Variants in SORCS3 observed in about 807,000 individuals in gnomAD.
SORCS3 encodes sortilin related VPS10 domain containing receptor 3.
A neutral mutation model predicts 146.3 loss-of-function variants in SORCS3; 57 were observed. The observed-to-expected ratio is 0.39, with a 90% CI of 0.31 to 0.49. The LOEUF (loss-of-function observed/expected upper bound fraction) is 0.49. Among genes scored for constraint, SORCS3 ranks in the 20% least tolerant of loss-of-function variants. SORCS3 has a pLI of 0.92. For synonymous variants in SORCS3, 653 were observed against 618.5 expected (o/e 1.06, Z -0.83); for missense variants, 1,341 against 1,575.5 (o/e 0.85, Z 2.52).
intron 1 of SORCS3, among the ~76,000 whole-genome samples, chr10:104,706,677 C>T (rs1285942538): frequency 2.0e-5 from 3 of 152,176 alleles, no homozygotes; most frequent in Non-Finnish European, 2.9e-5. Flanking sequence ...AGTCCCACTT[C>T]CCTGTGGATA....
intron 4 of SORCS3, among the ~76,000 whole-genome samples, chr10:105,009,523 CA>C (rs2055118510): frequency 2.0e-5 from 1 of 49,002 alleles, no homozygotes; most frequent in Non-Finnish European, 4.4e-5. Flanking sequence ...AACAAACAAA[CA>C]AACAAAAAAA....
At chr10:104,994,258 G>C (rs1384893521) in intron 4 of SORCS3, among the ~76,000 whole-genome samples, 2 of 152,124 alleles carry the variant, frequency 1.3e-5, no homozygotes, top group African/African-American at 4.8e-5. Context: ...ATAGAAGCAT[G>C]GATGGTTAGA....
At chr10:105,093,758 G>A (rs564231152) in intron 6 of SORCS3, among the ~76,000 whole-genome samples, 13 of 152,182 alleles carry the variant, frequency 8.5e-5, no homozygotes, top group Non-Finnish European at 1.8e-4. Context: ...CAGAAGTAAA[G>A]CAATAGAACT....
chr10:104,868,442 G>T (rs371248383), intron 2 of SORCS3, among the ~76,000 whole-genome samples: 3 of 152,122 alleles, frequency 2.0e-5, no homozygotes, highest in Non-Finnish European at 4.4e-5. Flanking sequence ...GGGACTACTC[G>T]CCTGCCACGC....
chr10:105,041,138 C>T (rs1295656503), intron 4 of SORCS3, among the ~76,000 whole-genome samples: 3 of 147,400 alleles, frequency 2.0e-5, no homozygotes, highest in Non-Finnish European at 4.5e-5. Context: ...TCAGAGCTTG[C>T]AACAGTTGGT....
intron 2 of SORCS3, among the ~76,000 whole-genome samples, chr10:104,887,872 AG>A (rs911291499): frequency 3.5e-5 from 5 of 144,564 alleles, no homozygotes; most frequent in Non-Finnish European, 7.5e-5. Flanking sequence ...GATCTGCATG[AG>A]GTGTCTAAGT....
rs12781642 is a variant in SORCS3, at chr10:105,009,531, A to C, written c.954+32038A>C. On this transcript the variant is annotated intron_variant, in intron 4 of 26. Transcript: ENST00000369701. ...ACAAACAAACAAACAAACAAACAAA[A>C]AAAAAAAAAAAAAAAAAAAACCCCA... 3.8e-3 allele frequency among the ~76,000 whole-genome samples: 177 copies of C among 47,086 alleles called. 1 individual carries two copies. Among genetic ancestry groups the C allele is most frequent in the African/African-American group, 0.016 (166 of 10,082 alleles). 30.9% of individuals were successfully genotyped at this position (47,086 alleles called of 152,430 possible). A position where few individuals can be genotyped will look rare whatever the true frequency, so the allele number is the denominator to read the frequency against.
At chr10:104,931,620 C>A (rs890710727) in intron 3 of SORCS3, among the ~76,000 whole-genome samples, 1 of 152,148 alleles carries the variant, frequency 6.6e-6, no homozygotes, top group Non-Finnish European at 1.5e-5. Flanking sequence ...TGAGAAAAGA[C>A]TCCAAACAGA....
At position 105,103,209 on chromosome 10, in the gene SORCS3, C is replaced by T. The variant is rs749733543; in HGVS notation, c.1094-2188C>T. ...AATGTTTGCATTTGAGTGTAGTCTCCGCTGCTCCTCAGAGATCCCTGACAC... is the reference window on the plus strand; with the variant it reads ...AATGTTTGCATTTGAGTGTAGTCTCTGCTGCTCCTCAGAGATCCCTGACAC... On this transcript the variant is annotated intron_variant, in intron 6 of 26. Transcript: ENST00000369701. Among the ~76,000 whole-genome samples, 6 of 152,096 alleles carry T rather than the reference C, an allele frequency of 3.9e-5. No homozygotes were observed. The South Asian group carries it at 6.2e-4, about 16-fold the overall frequency.
intron 3 of SORCS3, among the ~76,000 whole-genome samples, chr10:104,945,472 T>A (rs2019360922): frequency 1.3e-5 from 2 of 152,024 alleles, no homozygotes; most frequent in Admixed American, 6.6e-5. Flanking sequence ...TTGGCCAGGC[T>A]GGTCTCGAAC....
intron 6 of SORCS3, among the ~76,000 whole-genome samples, chr10:105,102,806 T>G (rs866945484): frequency 0.016 from 2,146 of 132,504 alleles, 51 homozygotes; most frequent in African/African-American, 0.059. Context: ...TTTTTTTTTT[T>G]GTGAGATGGA....
chr10:104,659,003 A>G (rs2015667744), intron 1 of SORCS3, among the ~76,000 whole-genome samples: 2 of 152,202 alleles, frequency 1.3e-5, no homozygotes, highest in Non-Finnish European at 2.9e-5. Context: ...AATAGTTGCA[A>G]GGATCAAAAT....
intron 1 of SORCS3, among the ~76,000 whole-genome samples, chr10:104,772,548 C>T (rs1487318078): frequency 6.6e-6 from 1 of 152,194 alleles, no homozygotes; most frequent in Non-Finnish European, 1.5e-5. Flanking sequence ...CAGCCCAGAT[C>T]AAGCCGTTTT....
chr10:104,898,682 GC>G (rs1463009008), intron 2 of SORCS3, among the ~76,000 whole-genome samples: 1 of 152,082 alleles, frequency 6.6e-6, no homozygotes. Flanking sequence ...TTCATACCTG[GC>G]AAAAACACTT....
intron 16 of SORCS3, among the ~76,000 whole-genome samples, chr10:105,204,450 T>C (rs2056590576): frequency 6.6e-6 from 1 of 152,170 alleles, no homozygotes; most frequent in African/African-American, 2.4e-5. Flanking sequence ...AAATATAAGG[T>C]AGAATGTTTC....
intron 1 of SORCS3, among the ~76,000 whole-genome samples, chr10:104,676,240 G>A (rs1166506507): frequency 6.6e-6 from 1 of 152,112 alleles, no homozygotes; most frequent in Non-Finnish European, 1.5e-5. Context: ...CCTACCCACA[G>A]TGTTGAATAG....
intron 1 of SORCS3, among the ~76,000 whole-genome samples, chr10:104,657,554 A>T (rs1055752654): frequency 2.0e-5 from 3 of 152,030 alleles, no homozygotes; most frequent in Admixed American, 1.3e-4. Flanking sequence ...TTTACAATTC[A>T]TGGTTTCTTT....
intron 1 of SORCS3, among the ~76,000 whole-genome samples, chr10:104,793,466 G>A (rs918261071): frequency 6.6e-6 from 1 of 152,166 alleles, no homozygotes; most frequent in African/African-American, 2.4e-5. Flanking sequence ...GGGAGGGTGG[G>A]TGCTGTGAGA....
At chr10:105,108,299 C>T (rs1323444369) in intron 7 of SORCS3, among the ~76,000 whole-genome samples, 1 of 152,064 alleles carries the variant, frequency 6.6e-6, no homozygotes, top group African/African-American at 2.4e-5. Context: ...AGATTTGAGT[C>T]TGGGTTCAGG....
Sources: allele counts gnomAD v4.1 joint callset (sites outside exome capture counted in the v4.1 genomes callset), GRCh38; gene constraint gnomAD v4.1.1; transcripts MANE v1.5; gene names NCBI Gene and HGNC (gene_info 2026-07-23, HGNC 2026-07-21).